Variants in PTPRM observed in about 807,000 individuals in gnomAD.
PTPRM encodes receptor-type tyrosine-protein phosphatase mu.
Under a neutral mutation model 186.7 loss-of-function variants are expected in PTPRM, and 47 were observed. The ratio of observed to expected loss-of-function variants is 0.25; its 90% confidence interval spans 0.20 to 0.32. The LOEUF is 0.32. Ranked by LOEUF, PTPRM falls within the 10% of genes least tolerant of loss-of-function variation. The pLI, the probability that PTPRM is intolerant of heterozygous loss-of-function variation, is 1.00. For missense variants in PTPRM, 1,494 were observed against 1,865.0 expected (o/e 0.80, Z 3.66); for synonymous variants, 668 against 674.9 (o/e 0.99, Z 0.16).
At chr18:7,842,083 C>G (rs1389655913) in intron 2 of PTPRM, among the ~76,000 whole-genome samples, 1 of 152,106 alleles carries the variant, frequency 6.6e-6, no homozygotes. Context: ...TGACTTAGAT[C>G]CATGTTCCCA....
At chr18:8,135,284 T>A (rs1406997125) in intron 13 of PTPRM, among the ~76,000 whole-genome samples, 8 of 152,212 alleles carry the variant, frequency 5.3e-5, no homozygotes, top group Non-Finnish European at 1.2e-4. Context: ...ATTGGATCGC[T>A]GAGAAAGTAA....
At chr18:7,614,814 G>T (rs1453365601) in intron 1 of PTPRM, among the ~76,000 whole-genome samples, 2 of 152,228 alleles carry the variant, frequency 1.3e-5, no homozygotes, top group East Asian at 1.9e-4. Flanking sequence ...GTGGCTTTTT[G>T]CATGGGCTTA....
intron 14 of PTPRM, among the ~76,000 whole-genome samples, chr18:8,210,981 T>C (rs903571224): frequency 1.8e-4 from 27 of 152,190 alleles, no homozygotes; most frequent in African/African-American, 5.1e-4. Flanking sequence ...TGGCACATTA[T>C]GTAAGGTGAG....
intron 2 of PTPRM, among the ~76,000 whole-genome samples, chr18:7,796,713 G>A (rs1368844922): frequency 1.3e-5 from 2 of 152,108 alleles, no homozygotes; most frequent in African/African-American, 4.8e-5. Flanking sequence ...ACATCACTGG[G>A]TTCAGATTCA....
intron 2 of PTPRM, among the ~76,000 whole-genome samples, chr18:7,796,167 A>C (rs1568142310): frequency 6.6e-6 from 1 of 151,764 alleles, no homozygotes; most frequent in Admixed American, 6.6e-5. Flanking sequence ...GATTTAACAG[A>C]TGTGATTAGT....
intron 1 of PTPRM, among the ~76,000 whole-genome samples, chr18:7,729,209 C>T (rs896559703): frequency 6.6e-5 from 10 of 152,184 alleles, no homozygotes; most frequent in Non-Finnish European, 1.3e-4. Flanking sequence ...CACTGGCCCC[C>T]TCCAACTTTT....
At chr18:8,359,639 G>C (rs1025768679) in intron 23 of PTPRM, among the ~76,000 whole-genome samples, 5 of 152,230 alleles carry the variant, frequency 3.3e-5, no homozygotes, top group African/African-American at 7.2e-5. Context: ...GTGCTTCAGA[G>C]GGCAGGGAGC....
chr18:8,331,196 G>T (rs1216296739), intron 22 of PTPRM, among the ~76,000 whole-genome samples: 1 of 152,076 alleles, frequency 6.6e-6, no homozygotes, highest in African/African-American at 2.4e-5. Flanking sequence ...ACTGAATATC[G>T]CCCAAAAAGA....
intron 14 of PTPRM, among the ~76,000 whole-genome samples, chr18:8,166,389 C>T (rs2093324881): frequency 6.6e-6 from 1 of 152,128 alleles, no homozygotes; most frequent in African/African-American, 2.4e-5. Flanking sequence ...TGCCTCTCTC[C>T]CCATGTGAGG....
chr18:7,711,349 T>C (rs2040209642), intron 1 of PTPRM, among the ~76,000 whole-genome samples: 2 of 152,322 alleles, frequency 1.3e-5, no homozygotes, highest in South Asian at 4.1e-4. Context: ...GACCAGGATA[T>C]TCCCTTGGGT....
chr18:8,044,796 A>C (rs942880888), intron 7 of PTPRM, among the ~76,000 whole-genome samples: 2 of 151,966 alleles, frequency 1.3e-5, no homozygotes, highest in African/African-American at 4.8e-5. Flanking sequence ...AATAAAAACA[A>C]AAACCATGAG....
chr18:8,241,014 G>A (rs566544177), intron 14 of PTPRM, among the ~76,000 whole-genome samples: 1 of 152,250 alleles, frequency 6.6e-6, no homozygotes, highest in African/African-American at 2.4e-5. Context: ...ACTTGGGGGT[G>A]ATAGATGATG....
chr18:8,369,680 G>A (rs1292723402), intron 23 of PTPRM, among the ~76,000 whole-genome samples: 1 of 152,200 alleles, frequency 6.6e-6, no homozygotes, highest in Non-Finnish European at 1.5e-5. Context: ...AGAAGGTTGG[G>A]CACAGCGGCC....
chr18:8,261,540 A>G (rs988282315), intron 19 of PTPRM, among the ~76,000 whole-genome samples: 3 of 152,148 alleles, frequency 2.0e-5, no homozygotes, highest in African/African-American at 7.2e-5. Context: ...TGGTTTTGAC[A>G]TGAATATTTG....
At chr18:8,129,709 A>G (rs1469882436) in intron 13 of PTPRM, among the ~76,000 whole-genome samples, 1 of 152,228 alleles carries the variant, frequency 6.6e-6, no homozygotes, top group African/African-American at 2.4e-5. Context: ...GTTCCAATAT[A>G]TTAGATCCAT....
intron 1 of PTPRM, among the ~76,000 whole-genome samples, chr18:7,626,662 T>G (rs73939311): frequency 0.086 from 13,039 of 152,166 alleles, 804 homozygotes; most frequent in South Asian, 0.2. Flanking sequence ...CTGACCCATG[T>G]TGCTGCAGAT....
chr18:7,627,531 G>A (rs1055768740), intron 1 of PTPRM, among the ~76,000 whole-genome samples: 1 of 152,104 alleles, frequency 6.6e-6, no homozygotes, highest in Non-Finnish European at 1.5e-5. Context: ...TGGGCCTTAG[G>A]GTACATGGAA....
At chr18:8,108,130 T>A (rs1294888402) in intron 11 of PTPRM, among the ~76,000 whole-genome samples, 2 of 152,192 alleles carry the variant, frequency 1.3e-5, no homozygotes, top group Non-Finnish European at 2.9e-5. Flanking sequence ...TGCATGTAAT[T>A]AATATTTTCA....
At chr18:8,025,350 A>G (rs1015190502) in intron 7 of PTPRM, among the ~76,000 whole-genome samples, 3 of 152,212 alleles carry the variant, frequency 2.0e-5, no homozygotes, top group African/African-American at 7.2e-5. Flanking sequence ...ACGTTTGGAC[A>G]TTCCTGCTGC....
Sources: gnomAD v4.1 joint callset for allele counts (sites outside exome capture counted in the v4.1 genomes callset) on GRCh38, gnomAD v4.1.1 for gene constraint, MANE v1.5 for transcripts, NCBI Gene and HGNC (gene_info 2026-07-23, HGNC 2026-07-21) for gene names.